Variants in MTM1 observed in about 807,000 individuals in gnomAD.
The protein encoded by MTM1 is myotubularin.
A neutral mutation model predicts 52.1 loss-of-function variants in MTM1; 9 were observed. The ratio of observed to expected loss-of-function variants is 0.17; its 90% CI spans 0.10 to 0.30. MTM1 has a LOEUF of 0.30. MTM1 is among the 10% of genes least tolerant of loss of function. MTM1 has a pLI of 1.00. For missense variants in MTM1, 277 were observed against 470.7 expected (o/e 0.59, Z 3.81); for synonymous variants, 136 against 163.8 (o/e 0.83, Z 1.29).
chrX:150,583,897 G>A (rs782665398), intron 1 of MTM1, among the ~76,000 whole-genome samples: 1,658 of 37,086 alleles, frequency 0.045, 166 homozygotes, highest in African/African-American at 0.083. Context: ...ATATATATTT[G>A]ATATATATAT....
chrX:150,640,188 A>G (rs1445061969), intron 7 of MTM1, among the ~76,000 whole-genome samples: 1 of 111,995 alleles, frequency 8.9e-6, no homozygotes, highest in East Asian at 2.8e-4. Context: ...TGATGTATTA[A>G]AATATTTTTA....
chrX:150,663,701 A>G, intron 14 of MTM1, 92 bp downstream of exon 14: 1 of 839,100 alleles, frequency 1.2e-6, no homozygotes, highest in Non-Finnish European at 1.8e-6. Flanking sequence ...CAGCATGAAG[A>G]AAAATATCAG....
intron 10 of MTM1, among the ~76,000 whole-genome samples, chrX:150,654,468 C>T (rs1207038552): frequency 3.6e-5 from 4 of 111,563 alleles, no homozygotes; most frequent in Non-Finnish European, 5.6e-5. Context: ...AAGAAATAAA[C>T]GGCTCTAGTC....
Position 150,598,685 on chromosome X carries a change from C to T in MTM1, c.230C>T (p.Thr77Met), listed in dbSNP as rs782640338. The T allele has an allele frequency of 3.8e-5, 43 of 1,124,901 alleles. No individual in the cohort carries two copies. The Middle Eastern group carries it at 1.5e-3, about 39-fold the overall frequency. 92.7% of individuals were successfully genotyped at this position (1,124,901 alleles called of 1,213,427 possible). A position where few individuals can be genotyped will look rare whatever the true frequency, so the allele number is the denominator to read the frequency against. ...NYRLYLRSLE[T>M]DSSLILDVPL... ...CGTCTTTATTTAAGAAGTTTGGAAA[C>T]GGTAAGTAGAATATAAGACCATAAA... Residue 77 changes from threonine to methionine, a missense_variant and splice_region_variant, in exon 4 of 15, where the codon ACG (threonine) becomes ATG (methionine). Around this residue, in one of 4 missense-constraint regions of MTM1, gnomAD observed 164 missense variants for 283.3 expected, o/e 0.58. Transcript: ENST00000370396.
intron 1 of MTM1, among the ~76,000 whole-genome samples, chrX:150,570,923 T>C (rs929227231): frequency 7.1e-5 from 8 of 112,578 alleles, no homozygotes; most frequent in African/African-American, 2.6e-4. Context: ...GTATGTTCAA[T>C]GGCTTCAAAG....
At chrX:150,609,293 G>A (rs782370283) in intron 4 of MTM1, among the ~76,000 whole-genome samples, 10 of 111,416 alleles carry the variant, frequency 9.0e-5, no homozygotes, top group Admixed American at 1.9e-4. Context: ...CTGCAACCAC[G>A]GCAGTGGCCC....
At chrX:150,663,408 A>C in intron 13 of MTM1, 25 bp from the exon 14 acceptor site, 1 of 1,208,226 alleles carries the variant, frequency 8.3e-7, no homozygotes, top group Non-Finnish European at 1.1e-6. Context: ...TAGGCTCTCC[A>C]CTTTCTCTCT....
At chrX:150,630,436 C>T (rs1383708767) in intron 6 of MTM1, among the ~76,000 whole-genome samples, 1 of 111,612 alleles carries the variant, frequency 9.0e-6, no homozygotes, top group Non-Finnish European at 1.9e-5. Flanking sequence ...AGTATGTTTT[C>T]TGATCTTTTA....
chrX:150,647,419 A>G (rs2039954012), intron 9 of MTM1, among the ~76,000 whole-genome samples: 1 of 110,351 alleles, frequency 9.1e-6, no homozygotes, highest in African/African-American at 3.3e-5. Context: ...TTAGGAGTCG[A>G]GGGAAGGAAA....
chrX:150,579,411 G>T (rs1435790871), intron 1 of MTM1, among the ~76,000 whole-genome samples: 1 of 111,840 alleles, frequency 8.9e-6, no homozygotes, highest in Non-Finnish European at 1.9e-5. Context: ...GCAATGTTTT[G>T]TAGCTTTCAG....
rs141610129 is a variant in MTM1, at chrX:150,589,295, G to A, written c.-10-3310G>A. Among the ~76,000 whole-genome samples, 289 of 110,938 alleles carry A rather than the reference G, an allele frequency of 2.6e-3. 2 individuals carry two copies. The highest frequency in any genetic ancestry group is 8.9e-3 in the African/African-American group (272 of 30,498). ...TTGTCACACACCCTCTAGGCCCCCC[G>A]CATCTCCTCTGTAATAGGAGAGGGT... is the stretch of plus-strand genomic sequence containing the variant. On this transcript the variant is annotated intron_variant, in intron 1 of 14. Coordinates refer to ENST00000370396, the MANE Select transcript of MTM1 (RefSeq NM_000252.3).
At chrX:150,604,243 C>G (rs782631249) in intron 4 of MTM1, among the ~76,000 whole-genome samples, 1 of 111,732 alleles carries the variant, frequency 8.9e-6, no homozygotes. Flanking sequence ...TAAGCTACCC[C>G]CTTGGCTTTA....
In MTM1 at chrX:150,647,221, A is replaced by ATATATATATATATG. The variant is rs373023705; in HGVS notation, c.867+1350_867+1351insTATATATATATATG. On this transcript the variant is annotated intron_variant, in intron 9 of 14. Coordinates refer to ENST00000370396, the MANE Select transcript of MTM1 (RefSeq NM_000252.3). ...TATATATATATATATATATATATAT[A>ATATATATATATATG]GCAATATTTTCATGTACATATTTAG... Among the ~76,000 whole-genome samples, 49 of 101,608 alleles carry ATATATATATATATG rather than the reference A, an allele frequency of 4.8e-4. 1 individual carries two copies. The highest frequency in any genetic ancestry group is 1.9e-3 in the African/African-American group (49 of 25,817). 88.2% of individuals were successfully genotyped at this position (101,608 alleles called of 115,157 possible). A position where few individuals can be genotyped will look rare whatever the true frequency, so the allele number is the denominator to read the frequency against.
At chrX:150,580,255 C>G (rs1296270869) in intron 1 of MTM1, among the ~76,000 whole-genome samples, 2 of 111,963 alleles carry the variant, frequency 1.8e-5, no homozygotes, top group Non-Finnish European at 3.8e-5. Context: ...TAGCACACCT[C>G]ATGAATAGTC....
chrX:150,594,105 A>G (rs2038935691), intron 2 of MTM1, among the ~76,000 whole-genome samples: 1 of 106,728 alleles, frequency 9.4e-6, no homozygotes, highest in African/African-American at 3.5e-5. Flanking sequence ...GTATATGTGT[A>G]TGTGTGTGTA....
At chrX:150,658,550 A>G (rs2040165171) in intron 11 of MTM1, among the ~76,000 whole-genome samples, 1 of 111,082 alleles carries the variant, frequency 9.0e-6, no homozygotes, top group Non-Finnish European at 1.9e-5. Context: ...CAGACAGTCA[A>G]TATATATAAA....
chrX:150,609,853 C>A (rs1557412932), intron 4 of MTM1, among the ~76,000 whole-genome samples: 5 of 111,502 alleles, frequency 4.5e-5, no homozygotes, highest in Non-Finnish European at 3.8e-5. Context: ...TAGCCCACTT[C>A]TTGCTAGTCC....
At position 150,619,122 on chromosome X, in the gene MTM1, C is replaced by T; in HGVS notation, c.427C>T (p.Pro143Ser). ...MFEILTRYAF[P>S]LAHSLPLFAF... ...TGAGATCCTCACGAGATACGCGTTT[C>T]CCCTGGCTCACAGTCTGGTAAATTC... Residue 143 changes from proline to serine, a missense_variant, in exon 6 of 15, where the codon CCC becomes TCC. Physicochemically the swap from Pro to Ser is moderately conservative, Grantham distance 74 (BLOSUM62 -1). Transcript: ENST00000370396. 1 of 1,205,199 alleles carries T rather than the reference C, an allele frequency of 8.3e-7. No homozygotes were observed. Among genetic ancestry groups the T allele is most frequent in the Non-Finnish European group, 1.1e-6 (1 of 889,674 alleles).
chrX:150,591,053 T>C (rs782235408), intron 1 of MTM1: 2 of 740,979 alleles, frequency 2.7e-6, no homozygotes, highest in East Asian at 1.5e-4. Flanking sequence ...TTAGAAAGGT[T>C]TTTCAAAGCA....
Sources: gnomAD v4.1 joint callset for allele counts (sites outside exome capture counted in the v4.1 genomes callset) on GRCh38, gnomAD v4.1.1 for gene constraint, gnomAD v4.1.1 regional missense constraint, MANE v1.5 for transcripts, NCBI Gene and HGNC (gene_info 2026-07-23, HGNC 2026-07-21) for gene names.